CENPI: variants seen among roughly 807,000 people sequenced by gnomAD.
CENPI encodes FSH primary response 1.
In CENPI, 4 loss-of-function variants were observed where a neutral mutation model predicts 60.4. The ratio of observed to expected loss-of-function variants is 0.07; its 90% CI spans 0.03 to 0.15. CENPI has a LOEUF of 0.15. Among genes scored for constraint, CENPI ranks in the 10% least tolerant of loss-of-function variants. The probability of loss-of-function intolerance (pLI) is 1.00; values close to 1 mark genes in which losing one functional copy is unlikely to be tolerated. For missense variants in CENPI, 444 were observed against 534.5 expected (o/e 0.83, Z 1.67); for synonymous variants, 157 against 189.4 (o/e 0.83, Z 1.40).
At position 101,102,494 on chromosome X, in the gene CENPI, T is replaced by TACACACACACACAC. The variant is rs199833748; in HGVS notation, c.364+84_364+85insCACACACACACACA. 624 of 298,559 alleles carry TACACACACACACAC rather than the reference T, an allele frequency of 2.1e-3. 5 individuals are homozygous for TACACACACACACAC. The African/African-American group carries it at 0.022, about 10-fold the overall frequency. 24.6% of individuals were successfully genotyped at this position (298,559 alleles called of 1,213,427 possible). A position where few individuals can be genotyped will look rare whatever the true frequency, so the allele number is the denominator to read the frequency against. On this transcript the variant is annotated intron_variant, in intron 4 of 21. Coordinates refer to ENST00000682095, the MANE Select transcript of CENPI (RefSeq NM_001386188.2). Reference sequence around the variant, plus strand: ...CTTTTAAAAATAAATCTTATATATATATACACACACACACACACACACATA... The same window carrying TACACACACACACAC: ...CTTTTAAAAATAAATCTTATATATATACACACACACACACATACACACACACACACACACACATA...
chrX:101,150,640 G>A (rs955921541), intron 20 of CENPI, among the ~76,000 whole-genome samples: 3 of 110,657 alleles, frequency 2.7e-5, no homozygotes, highest in African/African-American at 9.8e-5. Context: ...AAAGTGCTGG[G>A]ATTAAAGGTG....
At chrX:101,136,392 C>T (rs887409367) in intron 15 of CENPI, among the ~76,000 whole-genome samples, 4 of 111,294 alleles carry the variant, frequency 3.6e-5, no homozygotes, top group African/African-American at 1.3e-4. Flanking sequence ...AGCATAGAGA[C>T]AAGGAAGAAT....
intron 12 of CENPI, among the ~76,000 whole-genome samples, chrX:101,129,763 A>G (rs1193646408): frequency 1.8e-5 from 2 of 111,761 alleles, no homozygotes; most frequent in Admixed American, 1.9e-4. Context: ...GCTTTTCCCT[A>G]TATTTACACT....
At chrX:101,173,314 CTTTTT>C in the CENPI span, among the ~76,000 whole-genome samples, 4 of 50,506 alleles carry the variant, frequency 7.9e-5, no homozygotes, top group Non-Finnish European at 1.3e-4. Flanking sequence ...TGCCTGGCCT[CTTTTT>C]TTTTTTTTTT....
intron 16 of CENPI, among the ~76,000 whole-genome samples, chrX:101,143,494 T>TAA (rs2089934121): frequency 8.9e-6 from 1 of 111,870 alleles, no homozygotes; most frequent in African/African-American, 3.2e-5. Flanking sequence ...AATTCCCTTT[T>TAA]AGGGTTGAAT....
chrX:101,178,726 A>ACAT, the CENPI span, among the ~76,000 whole-genome samples: 1 of 111,801 alleles, frequency 8.9e-6, no homozygotes, highest in African/African-American at 3.3e-5. Flanking sequence ...TATGCTGCTT[A>ACAT]AAGAACTTTC....
downstream of CENPI, among the ~76,000 whole-genome samples, chrX:101,168,933 A>G (rs1213804271): frequency 1.8e-5 from 2 of 112,325 alleles, no homozygotes; most frequent in Non-Finnish European, 3.7e-5. Context: ...ACAGGAAAAA[A>G]GACTAGAAAT....
intron 4 of CENPI, among the ~76,000 whole-genome samples, chrX:101,106,519 C>T (rs958063556): frequency 1.8e-4 from 19 of 108,206 alleles, no homozygotes; most frequent in South Asian, 8.3e-4. Flanking sequence ...CGGGTTCAAG[C>T]GATTCTCCTG....
In CENPI at chrX:101,140,667, G is replaced by A. The variant is rs1194497867; in HGVS notation, c.1472G>A (p.Cys491Tyr). 1 of 1,177,894 alleles carries A rather than the reference G, an allele frequency of 8.5e-7. No homozygotes were observed. The highest frequency in any genetic ancestry group is 1.8e-5 in the South Asian group (1 of 56,054). ...LFFTSTIYFK[C>Y]SVLQSLKELL... ...CTTTTTTCATTTTGTCCCCCTCAGT[G>A]TAGTGTGCTTCAGAGTCTGAAAGAG... The change falls in exon 16 of 22, where the codon TGT becomes TAT. Residue 491 changes from cysteine (C) to tyrosine (Y), a missense_variant and splice_region_variant. Physicochemically the swap from Cys to Tyr is radical, Grantham distance 194 (BLOSUM62 -2). Transcript: ENST00000682095.
chrX:101,166,192 T>C (rs754886599), downstream of CENPI, among the ~76,000 whole-genome samples: 1 of 111,774 alleles, frequency 8.9e-6, no homozygotes, highest in African/African-American at 3.2e-5. Flanking sequence ...AGTCTCACTC[T>C]GTCACCAGGG....
intron 2 of CENPI, among the ~76,000 whole-genome samples, chrX:101,099,359 C>T (rs1158557031): frequency 2.8e-5 from 3 of 106,619 alleles, no homozygotes; most frequent in Non-Finnish European, 3.9e-5. Context: ...ACCCGGGAGG[C>T]GGAGGTTGTG....
chrX:101,138,253 T>G (rs67000355), intron 15 of CENPI, among the ~76,000 whole-genome samples: 27,753 of 106,807 alleles, frequency 0.26, 2,809 homozygotes, highest in South Asian at 0.34. Flanking sequence ...CTCCCGAAGT[T>G]CTGGGATTAC....
At position 101,163,961 on chromosome X, in the gene CENPI, G is replaced by A. The variant is rs1180826848; in HGVS notation, c.*994G>A. Among the ~76,000 whole-genome samples the A allele has an allele frequency of 9.1e-6, 1 of 109,614 alleles. No homozygotes were observed. The highest frequency in any genetic ancestry group is 1.9e-5 in the Non-Finnish European group (1 of 52,493). ...GGGGCAGGAGAATCGCTTGAACCCG[G>A]GAGGCGGAGGTTGCAGTGAGCCAAG... On this transcript the variant is annotated 3_prime_UTR_variant, in exon 22 of 22. Coordinates refer to ENST00000682095, the MANE Select transcript of CENPI (RefSeq NM_001386188.2).
chrX:101,178,277 G>A, the CENPI span, among the ~76,000 whole-genome samples: 11 of 110,340 alleles, frequency 1.0e-4, no homozygotes, highest in Admixed American at 3.9e-4. Flanking sequence ...TAAATGATCC[G>A]TTTGAAATAC....
rs1347328267 is a variant in CENPI at position 101,102,268 on chromosome X, T to A, written c.227-6T>A. Reference sequence around the variant, plus strand: ...TCTCACTATTTAATATTGTTTCTTTTTTCAGGTCCCATTAAAGCTTCACAG... The same window carrying A: ...TCTCACTATTTAATATTGTTTCTTTATTCAGGTCCCATTAAAGCTTCACAG... On this transcript the variant is annotated splice_region_variant and splice_polypyrimidine_tract_variant and intron_variant, in intron 3 of 21. Coordinates refer to ENST00000682095, the MANE Select transcript of CENPI (RefSeq NM_001386188.2). The A allele has an allele frequency of 8.7e-7, 1 of 1,154,109 alleles. No individual in the cohort carries two copies. The highest frequency in any genetic ancestry group is 1.8e-5 in the African/African-American group (1 of 54,950).
At chrX:101,098,920 T>A (rs770117549) in intron 2 of CENPI, 1 of 111,579 alleles carries the variant, frequency 9.0e-6, no homozygotes, top group East Asian at 2.8e-4. Context: ...AACTCCTTAC[T>A]CTGGCCTGCA....
the CENPI span, among the ~76,000 whole-genome samples, chrX:101,178,162 C>G: frequency 9.0e-6 from 1 of 111,227 alleles, no homozygotes; most frequent in East Asian, 2.8e-4. Flanking sequence ...TTCCCTGGAG[C>G]CTCTCCAGGT....
chrX:101,115,599 A>G (rs1324512122), intron 6 of CENPI, among the ~76,000 whole-genome samples: 1 of 110,448 alleles, frequency 9.1e-6, no homozygotes, highest in Non-Finnish European at 1.9e-5. Context: ...TCTGGCCTTA[A>G]GCAATCCTCT....
the CENPI span, among the ~76,000 whole-genome samples, chrX:101,176,187 T>G: frequency 8.9e-6 from 1 of 112,218 alleles, no homozygotes; most frequent in Non-Finnish European, 1.9e-5. Context: ...AATTCATTAG[T>G]CCATTGATAG....
Sources: gnomAD v4.1 joint callset for allele counts (sites outside exome capture counted in the v4.1 genomes callset) on GRCh38, gnomAD v4.1.1 for gene constraint, MANE v1.5 for transcripts, NCBI Gene and HGNC (gene_info 2026-07-23, HGNC 2026-07-21) for gene names.